The following GRID2 variants were observed in gnomAD, a reference collection of about 807,000 sequenced individuals.
GRID2 encodes the protein glutamate receptor ionotropic, delta-2.
In GRID2, 33 loss-of-function variants were observed where a neutral mutation model predicts 114.8. The observed-to-expected ratio is 0.29, with a 90% CI of 0.22 to 0.38. The LOEUF (loss-of-function observed/expected upper bound fraction) is 0.38. Among genes scored for constraint, GRID2 ranks in the 10% least tolerant of loss-of-function variants. The pLI is 1.00. For missense variants in GRID2, 1,184 were observed against 1,257.7 expected (o/e 0.94, Z 0.89); for synonymous variants, 505 against 449.9 (o/e 1.12, Z -1.55).
rs555812611 is a variant in GRID2 at position 92,571,600 on chromosome 4, G to A, written c.89-18531G>A. 5.3e-3 allele frequency among the ~76,000 whole-genome samples: 812 copies of A among 151,804 alleles called. 3 individuals are homozygous for A. The highest frequency in any genetic ancestry group is 8.6e-3 in the Non-Finnish European group (585 of 67,848). ...TATACATTCTTCTCAGCACCACACC[G>A]CACTTATTCCAAAATTGACCACATA... On this transcript the variant is annotated intron_variant, in intron 1 of 15. Coordinates refer to ENST00000282020, the MANE Select transcript of GRID2 (RefSeq NM_001510.4).
intron 4 of GRID2, among the ~76,000 whole-genome samples, chr4:93,184,069 G>C (rs1740158672): frequency 6.6e-6 from 1 of 152,142 alleles, no homozygotes; most frequent in African/African-American, 2.4e-5. Context: ...CCCAGTAAAA[G>C]TTCAACACAG....
chr4:92,501,297 C>T (rs890576217), intron 1 of GRID2, among the ~76,000 whole-genome samples: 1 of 152,140 alleles, frequency 6.6e-6, no homozygotes, highest in Non-Finnish European at 1.5e-5. Context: ...GCAGGTTATG[C>T]CAGTGGGCTC....
intron 2 of GRID2, among the ~76,000 whole-genome samples, chr4:92,640,698 G>C (rs932202726): frequency 4.6e-5 from 7 of 151,798 alleles, no homozygotes; most frequent in Non-Finnish European, 7.4e-5. Context: ...AAGAAAAAGA[G>C]TTAAGATTTT....
chr4:93,078,746 A>C (rs1474808908), intron 2 of GRID2, among the ~76,000 whole-genome samples: 1 of 139,278 alleles, frequency 7.2e-6, no homozygotes, highest in Non-Finnish European at 1.6e-5. Flanking sequence ...TATACTGTAT[A>C]TACTAAATAT....
chr4:93,626,225 A>C, intron 13 of GRID2, 44 bp from the exon 14 acceptor site: 2 of 1,134,170 alleles, frequency 1.8e-6, no homozygotes, highest in Non-Finnish European at 2.6e-6. Context: ...TTAAAATTCC[A>C]ACTTTAAACC....
At chr4:93,385,716 A>C (rs1197202137) in intron 8 of GRID2, among the ~76,000 whole-genome samples, 1 of 142,690 alleles carries the variant, frequency 7.0e-6, no homozygotes, top group African/African-American at 3.0e-5. Flanking sequence ...TTCTGATAAT[A>C]TAAAAAAAAA....
At chr4:92,968,011 A>G (rs947279884) in intron 2 of GRID2, among the ~76,000 whole-genome samples, 6 of 151,786 alleles carry the variant, frequency 4.0e-5, no homozygotes, top group Admixed American at 4.0e-4. Context: ...TTGTGCGTCT[A>G]TTTTCTAGAA....
At chr4:93,083,337 C>G (rs1730041586) in intron 2 of GRID2, among the ~76,000 whole-genome samples, 1 of 151,990 alleles carries the variant, frequency 6.6e-6, no homozygotes, top group Admixed American at 6.6e-5. Context: ...AAATTGAATT[C>G]ATGAACATGA....
intron 2 of GRID2, among the ~76,000 whole-genome samples, chr4:92,617,298 G>C (rs960569421): frequency 2.0e-5 from 3 of 151,204 alleles, no homozygotes; most frequent in African/African-American, 7.3e-5. Context: ...ATGGTGGTTT[G>C]CTGCACCTAT....
chr4:93,608,039 T>G (rs1378863954), intron 13 of GRID2, among the ~76,000 whole-genome samples: 4 of 138,970 alleles, frequency 2.9e-5, no homozygotes. Flanking sequence ...AATGTCTAAC[T>G]TTACATATAT....
chr4:92,568,453 G>A (rs1264121853), intron 1 of GRID2, among the ~76,000 whole-genome samples: 2 of 151,936 alleles, frequency 1.3e-5, no homozygotes, highest in African/African-American at 4.8e-5. Context: ...TCAGATATGT[G>A]CTACCTTTAT....
chr4:93,324,645 G>A (rs542316518), intron 8 of GRID2, among the ~76,000 whole-genome samples: 114 of 152,146 alleles, frequency 7.5e-4, no homozygotes, highest in Middle Eastern at 3.4e-3. Flanking sequence ...GGTAGCATTC[G>A]GCTGTGAATC....
At chr4:93,525,012 CA>C (rs1450864120) in intron 13 of GRID2, among the ~76,000 whole-genome samples, 1 of 151,622 alleles carries the variant, frequency 6.6e-6, no homozygotes, top group Admixed American at 6.6e-5. Flanking sequence ...AGATCTGCTC[CA>C]ATTCTTCTTT....
At chr4:92,586,892 C>T (rs1272428572) in intron 1 of GRID2, among the ~76,000 whole-genome samples, 1 of 151,862 alleles carries the variant, frequency 6.6e-6, no homozygotes, top group East Asian at 1.9e-4. Context: ...TGGCCACTTG[C>T]ATGTCAGTAT....
intron 2 of GRID2, among the ~76,000 whole-genome samples, chr4:92,737,650 C>G (rs1736662050): frequency 6.6e-6 from 1 of 152,038 alleles, no homozygotes; most frequent in Non-Finnish European, 1.5e-5. Flanking sequence ...TAACAGGTAA[C>G]TATTAGAGTA....
chr4:92,881,512 T>G (rs1376420880), intron 2 of GRID2, among the ~76,000 whole-genome samples: 1 of 152,206 alleles, frequency 6.6e-6, no homozygotes, highest in Non-Finnish European at 1.5e-5. Flanking sequence ...TTCCTTTTTT[T>G]TCCTGACCCA....
chr4:92,466,949 T>C (rs1409191532), intron 1 of GRID2, among the ~76,000 whole-genome samples: 2 of 151,814 alleles, frequency 1.3e-5, no homozygotes, highest in African/African-American at 2.4e-5. Flanking sequence ...ATTCCTCGAA[T>C]TAACGGTGTA....
At chr4:92,967,862 G>T (rs1207166123) in intron 2 of GRID2, among the ~76,000 whole-genome samples, 1 of 151,728 alleles carries the variant, frequency 6.6e-6, no homozygotes. Flanking sequence ...ATCTTCACTG[G>T]CCCTCCACTC....
chr4:93,227,750 T>C (rs559234433), intron 7 of GRID2, among the ~76,000 whole-genome samples: 16 of 152,368 alleles, frequency 1.1e-4, no homozygotes, highest in African/African-American at 3.6e-4. Flanking sequence ...TTCTGAATTC[T>C]ACAAAGTCCT....
Sources: allele counts gnomAD v4.1 joint callset (sites outside exome capture counted in the v4.1 genomes callset), GRCh38; gene constraint gnomAD v4.1.1; transcripts MANE v1.5; gene names NCBI Gene and HGNC (gene_info 2026-07-23, HGNC 2026-07-21).